The following RNF217 variants were observed in gnomAD, a reference collection of about 807,000 sequenced individuals.
RNF217 encodes E3 ubiquitin-protein ligase RNF217.
A neutral mutation model predicts 57.8 loss-of-function variants in RNF217; 31 were observed. The observed-to-expected ratio is 0.54, with a 90% CI of 0.40 to 0.72. RNF217 has a LOEUF of 0.72. RNF217 is among the 30% of genes least tolerant of loss of function. The probability of loss-of-function intolerance (pLI) is 0.00; values close to 1 mark genes in which losing one functional copy is unlikely to be tolerated. For synonymous variants in RNF217, 313 were observed against 294.0 expected (o/e 1.06, Z -0.66); for missense variants, 696 against 708.3 (o/e 0.98, Z 0.20).
At position 125,076,979 on chromosome 6, in the gene RNF217, A is replaced by T. The variant is rs945969610; in HGVS notation, c.1483+121A>T. The stretch of plus-strand genomic sequence containing the variant: ...CCATGTGCCCAGTGTTCAGAGGAGG[A>T]TATTCTCTCACCCTTTAAGAATAAA... On this transcript the variant is annotated intron_variant, in intron 4 of 5. Coordinates refer to ENST00000521654, the MANE Select transcript of RNF217 (RefSeq NM_001286398.3). 1.2e-5 allele frequency: 10 copies of T among 819,858 alleles called. No individual in the cohort carries two copies. The Admixed American group carries it at 1.3e-4, about 11-fold the overall frequency. 50.8% of individuals were successfully genotyped at this position (819,858 alleles called of 1,614,324 possible).
chr6:125,022,546 A>T (rs995729675), intron 1 of RNF217, among the ~76,000 whole-genome samples: 2 of 152,180 alleles, frequency 1.3e-5, no homozygotes, highest in African/African-American at 2.4e-5. Flanking sequence ...AACTGCAACC[A>T]GCCAGGGGTG....
intron 1 of RNF217, among the ~76,000 whole-genome samples, chr6:124,990,402 T>C (rs1784516068): frequency 6.6e-6 from 1 of 152,218 alleles, no homozygotes; most frequent in Non-Finnish European, 1.5e-5. Context: ...TACATCTATG[T>C]AATATATCTG....
At chr6:124,986,555 A>T (rs1420939731) in intron 1 of RNF217, among the ~76,000 whole-genome samples, 1 of 152,220 alleles carries the variant, frequency 6.6e-6, no homozygotes, top group Non-Finnish European at 1.5e-5. Context: ...CATTTCAAAT[A>T]GACTTTTTAA....
intron 1 of RNF217, among the ~76,000 whole-genome samples, chr6:125,028,266 A>G (rs951636247): frequency 6.6e-6 from 1 of 152,076 alleles, no homozygotes; most frequent in African/African-American, 2.4e-5. Flanking sequence ...ATCTGGGAGT[A>G]TGTACTCCCA....
chr6:125,073,111 A>C (rs1411391925), intron 3 of RNF217, among the ~76,000 whole-genome samples: 1 of 152,202 alleles, frequency 6.6e-6, no homozygotes, highest in Non-Finnish European at 1.5e-5. Flanking sequence ...CTTTAAGATC[A>C]AACACAATAT....
In RNF217 at chr6:125,003,761, A is replaced by G. The variant is rs886913266; in HGVS notation, c.882+40335A>G. ...GTAGTTATAGCAAAGGAAAAACCCA[A>G]TGTGATTTTTTTATTGTCTTTATCT... On this transcript the variant is annotated intron_variant, in intron 1 of 5. Transcript: ENST00000521654. Among the ~76,000 whole-genome samples the G allele has an allele frequency of 5.3e-4, 81 of 152,260 alleles. 2 individuals carry two copies. Among genetic ancestry groups the G allele is most frequent in the African/African-American group, 1.8e-3 (75 of 41,550 alleles).
chr6:124,978,333 C>T (rs1038609489), intron 1 of RNF217, among the ~76,000 whole-genome samples: 2 of 151,848 alleles, frequency 1.3e-5, no homozygotes, highest in African/African-American at 4.8e-5. Flanking sequence ...CTGCATTCCG[C>T]TTGTGCCCCA....
intron 1 of RNF217, among the ~76,000 whole-genome samples, chr6:124,979,605 GCAGCAGCA>G (rs1370667851): frequency 3.3e-5 from 5 of 152,202 alleles, no homozygotes; most frequent in Non-Finnish European, 5.9e-5. Context: ...CAATGAGGTT[GCAGCAGCA>G]CAGAGAGCAG....
chr6:124,990,533 T>C (rs1230516900), intron 1 of RNF217, among the ~76,000 whole-genome samples: 2 of 152,246 alleles, frequency 1.3e-5, no homozygotes, highest in Non-Finnish European at 2.9e-5. Context: ...CATTCCATTT[T>C]TCCAGTTGCT....
intron 2 of RNF217, among the ~76,000 whole-genome samples, chr6:125,052,060 G>T (rs1272593232): frequency 1.3e-5 from 2 of 152,018 alleles, no homozygotes; most frequent in Non-Finnish European, 2.9e-5. Context: ...TTTCAAATTA[G>T]GGAGAGAGTA....
At chr6:125,076,450 A>G (rs1397157248) in intron 3 of RNF217, among the ~76,000 whole-genome samples, 3 of 152,166 alleles carry the variant, frequency 2.0e-5, no homozygotes, top group African/African-American at 4.8e-5. Context: ...AGTACCTGAA[A>G]TATTATCAAG....
At chr6:125,068,926 A>G (rs1206733817) in intron 3 of RNF217, among the ~76,000 whole-genome samples, 1 of 152,154 alleles carries the variant, frequency 6.6e-6, no homozygotes, top group South Asian at 2.1e-4. Flanking sequence ...GATGACATGT[A>G]TAATCACAGA....
At chr6:125,045,181 TTTCC>T (rs1787046660) in intron 1 of RNF217, 26 bp from the exon 2 acceptor site, 5 of 1,472,106 alleles carry the variant, frequency 3.4e-6, no homozygotes, top group African/African-American at 1.4e-5. Context: ...GTGACGTTTT[TTTCC>T]TTCCATCTGC....
intron 2 of RNF217, among the ~76,000 whole-genome samples, chr6:125,052,495 T>C (rs1787363411): frequency 6.6e-6 from 1 of 152,036 alleles, no homozygotes; most frequent in Non-Finnish European, 1.5e-5. Flanking sequence ...TCATGAAGAC[T>C]GTATGTTACT....
intron 3 of RNF217, among the ~76,000 whole-genome samples, chr6:125,070,876 C>T (rs978149021): frequency 1.3e-4 from 20 of 152,206 alleles, no homozygotes; most frequent in African/African-American, 4.8e-4. Flanking sequence ...TAACAGTCAA[C>T]TTAGTTATCA....
rs1444168903 is a variant in RNF217, at chr6:125,092,361, A to G, written c.*9424A>G. On this transcript the variant is annotated 3_prime_UTR_variant, in exon 6 of 6. Coordinates refer to ENST00000521654, the MANE Select transcript of RNF217 (RefSeq NM_001286398.3). ...ATTTCCGACTTTTCGTAATGTCCCAATGACCTTTTGTTGTGGTTGGGCTTT... is the reference window on the plus strand; with the variant it reads ...ATTTCCGACTTTTCGTAATGTCCCAGTGACCTTTTGTTGTGGTTGGGCTTT... The G allele has an allele frequency of 6.6e-6, 1 of 152,242 alleles. No individual in the cohort carries two copies. The highest frequency in any genetic ancestry group is 1.5e-5 in the Non-Finnish European group (1 of 68,048). 9.4% of individuals were successfully genotyped at this position (152,242 alleles called of 1,614,324 possible). A position where few individuals can be genotyped will look rare whatever the true frequency, so the allele number is the denominator to read the frequency against.
In RNF217 at chr6:124,995,220, A is replaced by G. The variant is rs558710119; in HGVS notation, c.882+31794A>G. On this transcript the variant is annotated intron_variant, in intron 1 of 5. Coordinates refer to ENST00000521654, the MANE Select transcript of RNF217 (RefSeq NM_001286398.3). Reference sequence around the variant, plus strand: ...TTTTATTTTGTGAAATATTATACATACAAAAGAATATAACACATGGTTATA... The same window carrying G: ...TTTTATTTTGTGAAATATTATACATGCAAAAGAATATAACACATGGTTATA... Among the ~76,000 whole-genome samples, 13 of 152,292 alleles carry G rather than the reference A, an allele frequency of 8.5e-5. No homozygotes were observed. The South Asian group carries it at 2.7e-3, about 32-fold the overall frequency.
chr6:125,089,616 T>C lies in RNF217; in HGVS notation c.*6679T>C, dbSNP rs1054617183. The C allele has an allele frequency of 6.6e-6, 1 of 152,164 alleles. No individual in the cohort carries two copies. The highest frequency in any genetic ancestry group is 2.4e-5 in the African/African-American group (1 of 41,430). 9.4% of individuals were successfully genotyped at this position (152,164 alleles called of 1,614,324 possible). On this transcript the variant is annotated 3_prime_UTR_variant, in exon 6 of 6. Coordinates refer to ENST00000521654, the MANE Select transcript of RNF217 (RefSeq NM_001286398.3). ...TATGATTTAGATATGCCACACTCAA[T>C]ATATTTAGTATAGATTCAGTACATA...
At chr6:124,995,657 C>T (rs1016650494) in intron 1 of RNF217, among the ~76,000 whole-genome samples, 2 of 152,172 alleles carry the variant, frequency 1.3e-5, no homozygotes, top group South Asian at 2.1e-4. Context: ...TGCTGTGGCT[C>T]ATGCCTGTAA....
Sources: allele counts gnomAD v4.1 joint callset (sites outside exome capture counted in the v4.1 genomes callset), GRCh38; gene constraint gnomAD v4.1.1; transcripts MANE v1.5; gene names NCBI Gene and HGNC (gene_info 2026-07-23, HGNC 2026-07-21).